Variants in MAMLD1 observed in about 807,000 individuals in gnomAD.
MAMLD1 encodes mastermind like domain containing 1.
In MAMLD1, 14 loss-of-function variants were observed where a neutral mutation model predicts 45.0. The observed-to-expected ratio is 0.31, with a 90% CI of 0.21 to 0.49. The LOEUF (loss-of-function observed/expected upper bound fraction) is 0.49, where lower values mean the gene tolerates loss of function less well. Among genes scored for constraint, MAMLD1 ranks in the 20% least tolerant of loss-of-function variants. MAMLD1 has a pLI of 0.99. For synonymous variants in MAMLD1, 254 were observed against 247.8 expected (o/e 1.02, Z -0.24); for missense variants, 543 against 603.6 (o/e 0.90, Z 1.05).
intron 5 of MAMLD1, among the ~76,000 whole-genome samples, chrX:150,484,856 G>T (rs2036936414): frequency 9.0e-6 from 1 of 111,490 alleles, no homozygotes; most frequent in Non-Finnish European, 1.9e-5. Context: ...AAATCTTGAG[G>T]TTCATCAACA....
chrX:150,477,085 G>A (rs923076490), intron 5 of MAMLD1, among the ~76,000 whole-genome samples: 16 of 113,388 alleles, frequency 1.4e-4, no homozygotes, highest in African/African-American at 1.9e-4. Flanking sequence ...CAGGGGACAG[G>A]CCCTGGGGCT....
At chrX:150,464,443 C>T (rs1557405786) in intron 3 of MAMLD1, among the ~76,000 whole-genome samples, 3 of 112,263 alleles carry the variant, frequency 2.7e-5, no homozygotes, top group Non-Finnish European at 5.6e-5. Flanking sequence ...TCTGGAAATG[C>T]TCAAAATCCT....
intron 1 of MAMLD1, among the ~76,000 whole-genome samples, chrX:150,435,831 G>C (rs961789317): frequency 3.5e-4 from 39 of 112,444 alleles, no homozygotes; most frequent in African/African-American, 1.1e-3. Flanking sequence ...GTACTTAAGA[G>C]TGCTTTTGTA....
intron 1 of MAMLD1, among the ~76,000 whole-genome samples, chrX:150,398,185 C>T (rs1278279450): frequency 1.9e-5 from 2 of 103,919 alleles, no homozygotes; most frequent in Non-Finnish European, 3.9e-5. Context: ...GTGATGCTGG[C>T]CCCAGCCTAC....
At chrX:150,422,006 AG>A (rs1557403568) in intron 1 of MAMLD1, among the ~76,000 whole-genome samples, 1 of 112,204 alleles carries the variant, frequency 8.9e-6, no homozygotes, top group Admixed American at 9.4e-5. Context: ...TCACCAACAC[AG>A]GGATGATGCC....
At chrX:150,398,284 G>A (rs1003980741) in intron 1 of MAMLD1, among the ~76,000 whole-genome samples, 1 of 75,496 alleles carries the variant, frequency 1.3e-5, no homozygotes, top group African/African-American at 5.3e-5. Context: ...AGAAGAAGAA[G>A]AAGAAGAAGA....
chrX:150,429,668 A>G (rs1557403953), intron 1 of MAMLD1, among the ~76,000 whole-genome samples: 1 of 111,691 alleles, frequency 9.0e-6, no homozygotes. Context: ...TTTTTGATAT[A>G]AACTTTCATG....
At chrX:150,490,147 G>A (rs782352926) in intron 5 of MAMLD1, among the ~76,000 whole-genome samples, 1 of 112,007 alleles carries the variant, frequency 8.9e-6, no homozygotes, top group South Asian at 3.7e-4. Context: ...CCCATGGCAG[G>A]AGATGTCAGC....
chrX:150,476,950 C>T (rs368489181), intron 5 of MAMLD1, among the ~76,000 whole-genome samples: 2 of 112,963 alleles, frequency 1.8e-5, no homozygotes, highest in East Asian at 2.8e-4. Flanking sequence ...CCCCACTATC[C>T]CCACCTGTGG....
intron 2 of MAMLD1, among the ~76,000 whole-genome samples, chrX:150,457,931 C>T (rs911844970): frequency 1.8e-5 from 2 of 111,701 alleles, no homozygotes; most frequent in Non-Finnish European, 3.8e-5. Context: ...AAGTTAATTT[C>T]ATGCTATGTC....
chrX:150,455,654 A>G (rs1173322291), intron 2 of MAMLD1, among the ~76,000 whole-genome samples: 4 of 111,847 alleles, frequency 3.6e-5, no homozygotes, highest in African/African-American at 1.3e-4. Flanking sequence ...GGTGACCACC[A>G]ATTAGAGACA....
intron 1 of MAMLD1, among the ~76,000 whole-genome samples, chrX:150,430,973 C>CA (rs1557404026): frequency 1.8e-5 from 2 of 112,227 alleles, no homozygotes; most frequent in African/African-American, 3.2e-5. Context: ...TTTATATCTA[C>CA]AAAAAATCTT....
At chrX:150,468,983 G>GTGTGTC (rs1487953384) in intron 3 of MAMLD1, among the ~76,000 whole-genome samples, 1 of 109,047 alleles carries the variant, frequency 9.2e-6, no homozygotes, top group African/African-American at 3.3e-5. Context: ...GTGAGAGTGT[G>GTGTGTC]TGTGTGTGTG....
At chrX:150,491,092 G>C (rs1246006048) in intron 5 of MAMLD1, among the ~76,000 whole-genome samples, 1 of 111,342 alleles carries the variant, frequency 9.0e-6, no homozygotes, top group Non-Finnish European at 1.9e-5. Context: ...GACCTTGCAA[G>C]ACTGTCCACT....
At chrX:150,511,808 G>GAAGA (rs2037907223) in intron 7 of MAMLD1, among the ~76,000 whole-genome samples, 196 bp from the exon 8 acceptor site, 1 of 112,050 alleles carries the variant, frequency 8.9e-6, no homozygotes, top group Non-Finnish European at 1.9e-5. Flanking sequence ...CAGCTTCCCA[G>GAAGA]AAGAACTGCA....
chrX:150,402,515 G>A (rs1157216773), intron 1 of MAMLD1, among the ~76,000 whole-genome samples: 17 of 111,774 alleles, frequency 1.5e-4, no homozygotes, highest in South Asian at 7.5e-4. Flanking sequence ...TCAGTGTGGC[G>A]ATTCCTCAGG....
At chrX:150,451,835 C>T (rs782672430) in intron 2 of MAMLD1, among the ~76,000 whole-genome samples, 2 of 111,173 alleles carry the variant, frequency 1.8e-5, no homozygotes, top group South Asian at 3.9e-4. Flanking sequence ...AAACCCAAGG[C>T]GCAGGCATGT....
chrX:150,448,388 G>C (rs782639337), intron 2 of MAMLD1, among the ~76,000 whole-genome samples: 33 of 111,953 alleles, frequency 2.9e-4, no homozygotes, highest in African/African-American at 1.0e-3. Flanking sequence ...TAAGCAATTT[G>C]ACCAAAGTCA....
intron 1 of MAMLD1, among the ~76,000 whole-genome samples, chrX:150,366,094 A>C (rs1390645096): frequency 8.9e-6 from 1 of 112,108 alleles, no homozygotes; most frequent in Non-Finnish European, 1.9e-5. Context: ...GTGACAAATA[A>C]GGAAAGTGGG....
Sources: allele counts gnomAD v4.1 joint callset (sites outside exome capture counted in the v4.1 genomes callset), GRCh38; gene constraint gnomAD v4.1.1; transcripts MANE v1.5; gene names NCBI Gene and HGNC (gene_info 2026-07-23, HGNC 2026-07-21).